The following PSD2 variants were observed in gnomAD, a reference collection of about 807,000 sequenced individuals.
PSD2 encodes the protein pleckstrin and Sec7 domain containing 2, also known as PH and SEC7 domain-containing protein 2.
Under a neutral mutation model 69.8 loss-of-function variants are expected in PSD2, and 38 were observed. That is an observed-to-expected ratio of 0.54 (90% CI 0.42 to 0.71). The LOEUF is 0.71. Ranked by LOEUF, PSD2 falls within the 30% of genes least tolerant of loss-of-function variation. The pLI, the probability that PSD2 is intolerant of heterozygous loss-of-function variation, is 0.00. For missense variants in PSD2, 943 were observed against 1,014.5 expected (o/e 0.93, Z 0.96); for synonymous variants, 412 against 423.0 (o/e 0.97, Z 0.32).
chr5:139,762,780 T>C, the PSD2 span, among the ~76,000 whole-genome samples: 1 of 151,946 alleles, frequency 6.6e-6, no homozygotes, highest in African/African-American at 2.4e-5. Flanking sequence ...CCCCCTTTCC[T>C]GCCAGGGGGA....
chr5:139,784,186 C>T, the PSD2 span, among the ~76,000 whole-genome samples: 9 of 152,014 alleles, frequency 5.9e-5, no homozygotes, highest in Admixed American at 5.2e-4. Flanking sequence ...GCGATCCACC[C>T]GCCTCTGCCT....
At chr5:139,802,260 G>T (rs1759692487) in intron 1 of PSD2, among the ~76,000 whole-genome samples, 1 of 152,064 alleles carries the variant, frequency 6.6e-6, no homozygotes, top group South Asian at 2.1e-4. Context: ...AGAATGTGAG[G>T]ACTTAGAGGG....
chr5:139,831,217 A>G (rs1017904090), intron 7 of PSD2, among the ~76,000 whole-genome samples: 1 of 151,956 alleles, frequency 6.6e-6, no homozygotes, highest in African/African-American at 2.4e-5. Flanking sequence ...CTTCGAATCT[A>G]TTTTGTCAGA....
At position 139,830,783 on chromosome 5, in the gene PSD2, G is replaced by C. The variant is rs999242668; in HGVS notation, c.1270-2919G>C. Among the ~76,000 whole-genome samples the C allele has an allele frequency of 3.6e-5, 5 of 138,020 alleles. No homozygotes were observed. The East Asian group carries it at 8.4e-4, about 23-fold the overall frequency. The allele number at this position is 138,020 out of a possible 152,430, so 90.5% of individuals were successfully genotyped here. A position where few individuals can be genotyped will look rare whatever the true frequency, so the allele number is the denominator to read the frequency against. On this transcript the variant is annotated intron_variant, in intron 7 of 14. Coordinates refer to ENST00000274710, the MANE Select transcript of PSD2 (RefSeq NM_032289.4). ...GATCCTTCCACCTTGGCTTCCCAAAGTGCTGGGATTACAGGTGTGAGCCAC... is the reference window on the plus strand; with the variant it reads ...GATCCTTCCACCTTGGCTTCCCAAACTGCTGGGATTACAGGTGTGAGCCAC...
chr5:139,792,859 T>TTTCCTTCCATCC (rs1759440117), upstream of PSD2, among the ~76,000 whole-genome samples: 2 of 107,788 alleles, frequency 1.9e-5, no homozygotes, highest in Non-Finnish European at 1.9e-5. Context: ...TCTTTCTGTC[T>TTTCCTTCCATCC]TTCCTTCCTT....
At chr5:139,793,122 A>G (rs1759448813), upstream of PSD2, among the ~76,000 whole-genome samples, 1 of 151,862 alleles carries the variant, frequency 6.6e-6, no homozygotes, top group South Asian at 2.1e-4. Context: ...TTGTATTTTT[A>G]GTAGAGAGGG....
chr5:139,814,064 TG>T lies in PSD2; in HGVS notation c.822-104del. 9.4e-7 allele frequency: 1 copy of T among 1,063,458 alleles called. No individual in the cohort carries two copies. The highest frequency in any genetic ancestry group is 1.4e-6 in the Non-Finnish European group (1 of 713,034). 65.9% of individuals were successfully genotyped at this position (1,063,458 alleles called of 1,614,324 possible). On this transcript the variant is annotated intron_variant, in intron 3 of 14. Coordinates refer to ENST00000274710, the MANE Select transcript of PSD2 (RefSeq NM_032289.4). This position sits in a 1 kb window ranked among gnomAD's most constrained non-coding sequence, Gnocchi z 4.4. ...TGCAGTGGAGCTTCTTTCCCTGTTC[TG>T]GCCCCTACATGGTTTGCAGTGGCCT... is the stretch of plus-strand genomic sequence containing the variant.
chr5:139,837,282 A>C lies in PSD2; in HGVS notation c.1665+44A>C. 6 of 1,588,254 alleles carry C rather than the reference A, an allele frequency of 3.8e-6. No individual in the cohort carries two copies. The highest frequency in any genetic ancestry group is 3.4e-6 in the Non-Finnish European group (4 of 1,161,418). Reference sequence around the variant, plus strand: ...GACCTTACTCAGAAAGGGCCAGCTCAGTCCCATCCCGCCCTGGCCTTGTGG... The same window carrying C: ...GACCTTACTCAGAAAGGGCCAGCTCCGTCCCATCCCGCCCTGGCCTTGTGG... On this transcript the variant is annotated intron_variant, in intron 11 of 14. Transcript: ENST00000274710. The surrounding 1 kb of genome is among the most constrained non-coding windows in gnomAD (Gnocchi z 5.0).
the PSD2 span, among the ~76,000 whole-genome samples, chr5:139,766,851 C>CTTTCTTTCTTTT: frequency 1.3e-5 from 2 of 148,966 alleles, no homozygotes; most frequent in Non-Finnish European, 3.0e-5. Context: ...TTCTTTCTTT[C>CTTTCTTTCTTTT]TTTCTTTCTT....
intron 7 of PSD2, among the ~76,000 whole-genome samples, chr5:139,826,666 C>G (rs1038771049): frequency 6.6e-6 from 1 of 152,206 alleles, no homozygotes. Flanking sequence ...TCACAAAAAA[C>G]GTAACACCCA....
upstream of PSD2, among the ~76,000 whole-genome samples, chr5:139,791,354 TG>T (rs1759412761): frequency 6.6e-6 from 1 of 152,042 alleles, no homozygotes; most frequent in Non-Finnish European, 1.5e-5. Context: ...CGCTTGAGCC[TG>T]GGAAGTCAAG....
chr5:139,765,304 A>G, the PSD2 span, among the ~76,000 whole-genome samples: 1 of 152,170 alleles, frequency 6.6e-6, no homozygotes, highest in African/African-American at 2.4e-5. Flanking sequence ...CGTTACCACC[A>G]GGAAACCACC....
intron 8 of PSD2, among the ~76,000 whole-genome samples, chr5:139,834,908 A>G (rs777187588): frequency 6.6e-6 from 1 of 150,518 alleles, no homozygotes; most frequent in Non-Finnish European, 1.5e-5. Context: ...TCATTCACCT[A>G]CCCATATACC....
At chr5:139,796,184 C>G (rs887308005) in intron 1 of PSD2, among the ~76,000 whole-genome samples, 2 of 152,106 alleles carry the variant, frequency 1.3e-5, no homozygotes, top group African/African-American at 4.8e-5. Context: ...GAGATGGGGC[C>G]GAGAGAGGAA....
chr5:139,833,724 G>T lies in PSD2; in HGVS notation c.1292G>T (p.Cys431Phe), dbSNP rs1450975893. The T allele has an allele frequency of 8.1e-6, 13 of 1,613,994 alleles. No individual in the cohort carries two copies. Among genetic ancestry groups the T allele is most frequent in the Non-Finnish European group, 1.0e-5 (12 of 1,179,898 alleles). ...HGHNIGKKMS[C>F]QQFIANLDQL... ...CAGAACATTGGCAAAAAGATGTCCT[G>T]TCAGCAATTCATTGCCAACTTGGAC... Residue 431 changes from cysteine (C) to phenylalanine (F), a missense_variant, in exon 8 of 15, where the codon TGT becomes TTT. Around this residue, in one of 3 missense-constraint regions of PSD2, gnomAD observed 312 missense variants for 400.7 expected, o/e 0.78. Transcript: ENST00000274710.
the PSD2 span, among the ~76,000 whole-genome samples, chr5:139,754,540 A>C: frequency 2.1e-3 from 5 of 2,344 alleles, no homozygotes; most frequent in Non-Finnish European, 6.1e-3. Flanking sequence ...CTAAAAATAC[A>C]AAAAAAATAG....
intron 4 of PSD2, among the ~76,000 whole-genome samples, chr5:139,816,780 G>A (rs1402391034): frequency 6.6e-6 from 1 of 152,182 alleles, no homozygotes; most frequent in East Asian, 1.9e-4. Flanking sequence ...GGGCCGGCCA[G>A]CTTGTCTGTG....
chr5:139,821,844 C>T, intron 5 of PSD2, 49 bp from the exon 6 acceptor site: 2 of 1,168,790 alleles, frequency 1.7e-6, no homozygotes, highest in South Asian at 2.8e-5. Context: ...GTGGTCTTAC[C>T]CTGGGTGAGG....
rs1205837534 is a variant in PSD2 at position 139,814,929 on chromosome 5, G to A, written c.1016+565G>A. ...GATTGCAGGACCGAGGAAGTCTGCC[G>A]GCACATTCTGCTCACATCTGACCAC... On this transcript the variant is annotated intron_variant, in intron 4 of 14. Transcript: ENST00000274710. The surrounding 1 kb of genome is among the most constrained non-coding windows in gnomAD (Gnocchi z 4.4). Among the ~76,000 whole-genome samples the A allele has an allele frequency of 6.6e-6, 1 of 152,160 alleles. No individual in the cohort carries two copies. The highest frequency in any genetic ancestry group is 1.5e-5 in the Non-Finnish European group (1 of 68,014).
Sources: allele counts gnomAD v4.1 joint callset (sites outside exome capture counted in the v4.1 genomes callset), GRCh38; gene constraint gnomAD v4.1.1; regional missense constraint gnomAD v4.1.1; non-coding constraint Gnocchi (gnomAD v3.1); transcripts MANE v1.5; gene names NCBI Gene and HGNC (gene_info 2026-07-23, HGNC 2026-07-21).